PCDHGA2: variants seen among roughly 807,000 people sequenced by gnomAD.
PCDHGA2 encodes the protein protocadherin gamma-A2.
Under a neutral mutation model 59.2 loss-of-function variants are expected in PCDHGA2, and 40 were observed. That is an observed-to-expected ratio of 0.68 (90% CI 0.52 to 0.88). The LOEUF (loss-of-function observed/expected upper bound fraction) is 0.88, where lower values mean the gene tolerates loss of function less well. Among genes scored for constraint, PCDHGA2 ranks in the 40% least tolerant of loss-of-function variants. The pLI is 0.00. For synonymous variants in PCDHGA2, 560 were observed against 526.0 expected (o/e 1.06, Z -0.89); for missense variants, 1,226 against 1,204.0 (o/e 1.02, Z -0.27).
At position 141,338,789 on chromosome 5, in the gene PCDHGA2, G is replaced by C. The variant is rs1327874665; in HGVS notation, c.-183G>C. ...CAGCAATACGGCTCCCACAGCACAA[G>C]GGGGTGGAGGTTTGGCCCTAAAGCT... On this transcript the variant is annotated 5_prime_UTR_variant, in exon 1 of 4. Coordinates refer to ENST00000394576, the MANE Select transcript of PCDHGA2 (RefSeq NM_018915.4). 7 of 1,343,610 alleles carry C rather than the reference G, an allele frequency of 5.2e-6. No homozygotes were observed. Among genetic ancestry groups the C allele is most frequent in the East Asian group, 2.7e-5 (1 of 36,714 alleles). 83.2% of individuals were successfully genotyped at this position (1,343,610 alleles called of 1,614,324 possible).
intron 1 of PCDHGA2, chr5:141,357,842 G>A (rs1294763389): frequency 9.6e-6 from 6 of 624,532 alleles, no homozygotes; most frequent in Non-Finnish European, 2.7e-6. Context: ...TTCAGTTGTA[G>A]TTTCAGCCAG....
chr5:141,466,977 C>T (rs2099133275), intron 1 of PCDHGA2, among the ~76,000 whole-genome samples: 1 of 151,786 alleles, frequency 6.6e-6, no homozygotes. Flanking sequence ...CACAGCTCAT[C>T]ATTTACCTTT....
In PCDHGA2 at chr5:141,361,205, C is replaced by T. The variant is rs754494569; in HGVS notation, c.2424+19810C>T. On this transcript the variant is annotated intron_variant, in intron 1 of 3. Transcript: ENST00000394576. Reference sequence around the variant, plus strand: ...GTGACTTCAGTATCTACTCCCCTACCGGAGGATTCGCCACCAGGAACAGTG... The same window carrying T: ...GTGACTTCAGTATCTACTCCCCTACTGGAGGATTCGCCACCAGGAACAGTG... 3.7e-6 allele frequency: 6 copies of T among 1,613,776 alleles called. No homozygotes were observed. In the Admixed American group the frequency reaches 8.3e-5, roughly 22 times the overall value.
At chr5:141,466,624 G>C (rs1279938026) in intron 1 of PCDHGA2, among the ~76,000 whole-genome samples, 1 of 152,038 alleles carries the variant, frequency 6.6e-6, no homozygotes, top group Non-Finnish European at 1.5e-5. Context: ...GTTTTCTTTG[G>C]AGCATTGTCT....
At chr5:141,387,857 G>A (rs375524405) in intron 1 of PCDHGA2, 124 of 1,594,010 alleles carry the variant, frequency 7.8e-5, no homozygotes, top group Admixed American at 2.1e-4. Context: ...TCTCCAGGCT[G>A]GTGAGCAAGC....
chr5:141,382,125 G>GC (rs1470370841), intron 1 of PCDHGA2, among the ~76,000 whole-genome samples: 4 of 151,872 alleles, frequency 2.6e-5, no homozygotes, highest in Non-Finnish European at 5.9e-5. Flanking sequence ...ACAGCACCTG[G>GC]CCCCCCCTCT....
At chr5:141,418,742 G>T (rs1351760637) in intron 1 of PCDHGA2, 6 of 1,613,778 alleles carry the variant, frequency 3.7e-6, no homozygotes, top group South Asian at 1.1e-5. Context: ...GTTCTCTCTG[G>T]ATTACACTAC....
intron 1 of PCDHGA2, chr5:141,388,571 C>G: frequency 9.3e-6 from 15 of 1,613,830 alleles, no homozygotes; most frequent in Non-Finnish European, 1.2e-5. Flanking sequence ...CACAGATACA[C>G]GTTCTAGTGA....
chr5:141,374,534 C>G lies in PCDHGA2; in HGVS notation c.2424+33139C>G, dbSNP rs868822562. The G allele has an allele frequency of 3.7e-6, 6 of 1,613,096 alleles. No homozygotes were observed. Among genetic ancestry groups the G allele is most frequent in the Admixed American group, 3.3e-5 (2 of 60,024 alleles). On this transcript the variant is annotated intron_variant, in intron 1 of 3. Transcript: ENST00000394576. ...TCTCGAAAACGCAGCTCCATCCTCT[C>G]GTTTTCCACTAATGGAGGTCTATGA...
chr5:141,346,429 A>C, intron 1 of PCDHGA2: 1 of 1,614,274 alleles, frequency 6.2e-7, no homozygotes, highest in South Asian at 1.1e-5. Flanking sequence ...GATTTACTTG[A>C]AATGAAAGGA....
chr5:141,465,043 T>C (rs1404714692), intron 1 of PCDHGA2, among the ~76,000 whole-genome samples: 2 of 152,030 alleles, frequency 1.3e-5, no homozygotes, highest in Non-Finnish European at 2.9e-5. Context: ...CAAATGACCC[T>C]ATATATTTTT....
intron 1 of PCDHGA2, among the ~76,000 whole-genome samples, chr5:141,453,288 A>AT (rs2098760999): frequency 2.0e-5 from 3 of 151,342 alleles, no homozygotes; most frequent in African/African-American, 7.3e-5. Flanking sequence ...TAATTTTTTA[A>AT]TTATTTATTT....
At chr5:141,404,029 C>A in intron 1 of PCDHGA2, 2 of 1,613,428 alleles carry the variant, frequency 1.2e-6, no homozygotes, top group South Asian at 1.1e-5. Flanking sequence ...TGAGAGAAGA[C>A]GCACCTCAGG....
At chr5:141,419,152 G>A (rs2096335735) in intron 1 of PCDHGA2, 25 of 1,613,916 alleles carry the variant, frequency 1.5e-5, no homozygotes, top group East Asian at 4.5e-5. Context: ...GCAAGCCTCC[G>A]TTATCCTCCA....
intron 1 of PCDHGA2, chr5:141,408,546 A>G (rs777449394): frequency 6.2e-7 from 1 of 1,613,898 alleles, no homozygotes; most frequent in Non-Finnish European, 8.5e-7. Context: ...AATCCTTTAA[A>G]TATTTTTCAT....
chr5:141,382,825 G>C, intron 1 of PCDHGA2: 1 of 1,337,416 alleles, frequency 7.5e-7, no homozygotes, highest in Non-Finnish European at 1.0e-6. Flanking sequence ...CTAAGACAGA[G>C]GGGTCCACCC....
rs1562144438 is a variant in PCDHGA2, at chr5:141,491,135, G to T, written c.2425-3672G>T. The T allele has an allele frequency of 6.2e-7, 1 of 1,613,986 alleles. No individual in the cohort carries two copies. Among genetic ancestry groups the T allele is most frequent in the Non-Finnish European group, 8.5e-7 (1 of 1,180,000 alleles). On this transcript the variant is annotated intron_variant, in intron 1 of 3. Transcript: ENST00000394576. This position sits in a 1 kb window ranked among gnomAD's most constrained non-coding sequence, Gnocchi z 6.9. ...CACACTGGTGAGGTGCGCACAGCCC[G>T]GGCCTTACTGGAGGATGACTCTGAC...
chr5:141,510,289 A>T (rs1279501931), intron 3 of PCDHGA2, among the ~76,000 whole-genome samples: 3 of 151,754 alleles, frequency 2.0e-5, no homozygotes, highest in Non-Finnish European at 4.4e-5. Context: ...AAAAAAAAAA[A>T]AATGCTGTTT....
intron 1 of PCDHGA2, chr5:141,375,477 AC>A (rs768233872): frequency 3.1e-6 from 5 of 1,613,798 alleles, no homozygotes; most frequent in Non-Finnish European, 4.2e-6. Context: ...CTTGAAAACA[AC>A]CCCAGGGGTG....
Sources: gnomAD v4.1 joint callset for allele counts (sites outside exome capture counted in the v4.1 genomes callset) on GRCh38, gnomAD v4.1.1 for gene constraint, Gnocchi (gnomAD v3.1) non-coding constraint, MANE v1.5 for transcripts, NCBI Gene and HGNC (gene_info 2026-07-23, HGNC 2026-07-21) for gene names.